Variants in TRAF3IP1 observed in about 807,000 individuals in gnomAD.
The protein encoded by TRAF3IP1 is TRAF3-interacting protein 1.
A neutral mutation model predicts 89.9 loss-of-function variants in TRAF3IP1; 53 were observed. The ratio of observed to expected loss-of-function variants is 0.59; its 90% CI spans 0.47 to 0.74. TRAF3IP1 has a LOEUF of 0.74. Ranked by LOEUF, TRAF3IP1 falls within the 30% of genes least tolerant of loss-of-function variation. The probability of loss-of-function intolerance (pLI) is 0.00; values close to 1 mark genes in which losing one functional copy is unlikely to be tolerated. For synonymous variants in TRAF3IP1, 311 were observed against 322.1 expected (o/e 0.97, Z 0.37); for missense variants, 806 against 866.1 (o/e 0.93, Z 0.87).
At chr2:238,358,312 G>A (rs763727756) in intron 15 of TRAF3IP1, among the ~76,000 whole-genome samples, 1 of 151,992 alleles carries the variant, frequency 6.6e-6, no homozygotes, top group Non-Finnish European at 1.5e-5. Flanking sequence ...CAAGGTGGGC[G>A]GATTGCTTGA....
At chr2:238,388,989 G>A (rs1034111984) in intron 15 of TRAF3IP1, among the ~76,000 whole-genome samples, 2 of 152,154 alleles carry the variant, frequency 1.3e-5, no homozygotes, top group Admixed American at 6.5e-5. Flanking sequence ...TCATGAGAGA[G>A]TATGTTATTT....
At chr2:238,386,728 T>G (rs546473938) in intron 15 of TRAF3IP1, among the ~76,000 whole-genome samples, 33 of 152,330 alleles carry the variant, frequency 2.2e-4, no homozygotes, top group African/African-American at 7.9e-4. Context: ...CAGACCATTT[T>G]AAGGTCCATC....
intron 9 of TRAF3IP1, 89 bp downstream of exon 9, chr2:238,344,687 G>T (rs765383420): frequency 4.4e-6 from 5 of 1,142,544 alleles, no homozygotes; most frequent in South Asian, 1.3e-5. Flanking sequence ...CCCAGAGCCC[G>T]AGGTTTTCCT....
intron 3 of TRAF3IP1, 70 bp from the exon 4 acceptor site, chr2:238,328,616 A>G: frequency 1.3e-6 from 2 of 1,525,782 alleles, no homozygotes; most frequent in Non-Finnish European, 1.8e-6. Context: ...TTGAATGGCG[A>G]TGTTCTATTT....
rs1421537563 is a variant in TRAF3IP1, at chr2:238,351,866, T to TGTGTGTGTGTGTGTGTGTGC, written c.1452-960_1452-959insTGTGTGTGTGTGTGTGTGCG. 3.9e-5 allele frequency among the ~76,000 whole-genome samples: 5 copies of TGTGTGTGTGTGTGTGTGTGC among 128,244 alleles called. No individual in the cohort carries two copies. The highest frequency in any genetic ancestry group is 1.4e-4 in the African/African-American group (4 of 29,480). The allele number at this position is 128,244 out of a possible 152,430, so 84.1% of individuals were successfully genotyped here. A position where few individuals can be genotyped will look rare whatever the true frequency, so the allele number is the denominator to read the frequency against. On this transcript the variant is annotated intron_variant, in intron 12 of 16. Coordinates refer to ENST00000373327, the MANE Select transcript of TRAF3IP1 (RefSeq NM_015650.4). The surrounding 1 kb of genome is among the most constrained non-coding windows in gnomAD (Gnocchi z 5.2). Reference sequence around the variant, plus strand: ...GTGTGTGTGTGTGTGTGTGTGTGTGTGCGCGCGCGCGCGTGTGCGTGCATG... The same window carrying TGTGTGTGTGTGTGTGTGTGC: ...GTGTGTGTGTGTGTGTGTGTGTGTGTGTGTGTGTGTGTGTGTGTGCGCGCGCGCGCGCGTGTGCGTGCATG...
At chr2:238,358,917 A>G (rs1699541690) in intron 15 of TRAF3IP1, among the ~76,000 whole-genome samples, 1 of 152,208 alleles carries the variant, frequency 6.6e-6, no homozygotes, top group African/African-American at 2.4e-5. Context: ...TCCAGCAAGA[A>G]TCAGGCCACT....
intron 1 of TRAF3IP1, among the ~76,000 whole-genome samples, chr2:238,321,368 T>G (rs1697535821): frequency 6.6e-6 from 1 of 152,228 alleles, no homozygotes; most frequent in African/African-American, 2.4e-5. Flanking sequence ...AATAATATTT[T>G]TTATACAACC....
In TRAF3IP1 at chr2:238,345,035, T is replaced by C. The variant is rs979248896; in HGVS notation, c.1261+437T>C. The stretch of plus-strand genomic sequence containing the variant: ...GGGATTTTACTTTCACCATAAATTT[T>C]CTCAGCCTTTAAAAAAACTTTGGTA... On this transcript the variant is annotated intron_variant, in intron 9 of 16. Transcript: ENST00000373327. The surrounding 1 kb of genome is among the most constrained non-coding windows in gnomAD (Gnocchi z 4.7). Among the ~76,000 whole-genome samples the C allele has an allele frequency of 4.6e-5, 7 of 152,196 alleles. No homozygotes were observed. The highest frequency in any genetic ancestry group is 1.7e-4 in the African/African-American group (7 of 41,450).
chr2:238,369,707 G>A (rs1700028357), intron 15 of TRAF3IP1, among the ~76,000 whole-genome samples: 1 of 152,180 alleles, frequency 6.6e-6, no homozygotes, highest in Non-Finnish European at 1.5e-5. Flanking sequence ...TCTCGATGTG[G>A]ATGCTGTCTG....
intron 15 of TRAF3IP1, among the ~76,000 whole-genome samples, chr2:238,360,375 C>A (rs540216778): frequency 1.3e-5 from 2 of 152,070 alleles, no homozygotes; most frequent in Non-Finnish European, 2.9e-5. Flanking sequence ...ACCTGTAATC[C>A]CAGCCCTCTG....
chr2:238,384,850 A>G (rs1011203987), intron 15 of TRAF3IP1, among the ~76,000 whole-genome samples: 2 of 152,200 alleles, frequency 1.3e-5, no homozygotes, highest in African/African-American at 2.4e-5. Context: ...GAGATAGAAT[A>G]TATTCTAGGA....
At chr2:238,364,406 G>T (rs1005525190) in intron 15 of TRAF3IP1, among the ~76,000 whole-genome samples, 67 of 150,142 alleles carry the variant, frequency 4.5e-4, no homozygotes, top group African/African-American at 1.5e-3. Context: ...TCCTGCCAGC[G>T]TTTTTTTTTC....
intron 4 of TRAF3IP1, 28 bp from the exon 5 acceptor site, chr2:238,328,898 C>G (rs1697973889): frequency 6.3e-7 from 1 of 1,581,354 alleles, no homozygotes; most frequent in Middle Eastern, 1.7e-4. Context: ...TAAAAATATT[C>G]ATAAATGATT....
At chr2:238,321,031 C>T (rs1280926965) in intron 1 of TRAF3IP1, among the ~76,000 whole-genome samples, 1 of 152,038 alleles carries the variant, frequency 6.6e-6, no homozygotes, top group African/African-American at 2.4e-5. Context: ...GGGTCGGGGG[C>T]CGGGGTCAGT....
rs576052403 is a variant in TRAF3IP1, at chr2:238,340,950, C to T, written c.1159+2493C>T. 4.6e-5 allele frequency among the ~76,000 whole-genome samples: 7 copies of T among 152,170 alleles called. No individual in the cohort carries two copies. In the South Asian group the frequency reaches 6.2e-4, roughly 14 times the overall value. On this transcript the variant is annotated intron_variant, in intron 8 of 16. Transcript: ENST00000373327. ...TCAGCTCACTGCAACCTCCGCCTCCCGGGTTCAAGCGATTCTTCTGCCTCA... is the reference window on the plus strand; with the variant it reads ...TCAGCTCACTGCAACCTCCGCCTCCTGGGTTCAAGCGATTCTTCTGCCTCA...
intron 15 of TRAF3IP1, among the ~76,000 whole-genome samples, chr2:238,363,821 A>C (rs532077014): frequency 4.6e-5 from 7 of 152,122 alleles, no homozygotes; most frequent in Non-Finnish European, 8.8e-5. Context: ...TTAGCCGGAC[A>C]TGGTGGTGTG....
intron 8 of TRAF3IP1, among the ~76,000 whole-genome samples, chr2:238,341,365 A>C (rs1165302923): frequency 6.6e-6 from 1 of 152,104 alleles, no homozygotes; most frequent in Non-Finnish European, 1.5e-5. Context: ...TATGTTAAAA[A>C]AACATCCTAA....
At chr2:238,384,790 T>A (rs1428399915) in intron 15 of TRAF3IP1, among the ~76,000 whole-genome samples, 3 of 152,132 alleles carry the variant, frequency 2.0e-5, no homozygotes, top group Non-Finnish European at 4.4e-5. Flanking sequence ...AGGTTAAGAA[T>A]TGCTAGTAAT....
Position 238,351,548 on chromosome 2 carries a change from ACAGGGGCG to A in TRAF3IP1, c.1452-1274_1452-1267del, listed in dbSNP as rs1268463372. ...AGAGGGCCTGCCGATCACGGCAGGC[ACAGGGGCG>A]CAGGTGTTGAGGAGGTGGATCGTGG... On this transcript the variant is annotated intron_variant, in intron 12 of 16. Coordinates refer to ENST00000373327, the MANE Select transcript of TRAF3IP1 (RefSeq NM_015650.4). The surrounding 1 kb of genome is among the most constrained non-coding windows in gnomAD (Gnocchi z 5.2). 1.3e-5 allele frequency among the ~76,000 whole-genome samples: 2 copies of A among 152,114 alleles called. No homozygotes were observed. Among genetic ancestry groups the A allele is most frequent in the East Asian group, 3.9e-4 (2 of 5,176 alleles).
Sources: allele counts gnomAD v4.1 joint callset (sites outside exome capture counted in the v4.1 genomes callset), GRCh38; gene constraint gnomAD v4.1.1; non-coding constraint Gnocchi (gnomAD v3.1); transcripts MANE v1.5; gene names NCBI Gene and HGNC (gene_info 2026-07-23, HGNC 2026-07-21).